The following TRIB3 variants were observed in gnomAD, a reference collection of about 807,000 sequenced individuals.
TRIB3 encodes tribbles pseudokinase 3.
TRIB3 carries 20 observed loss-of-function variants against 16.6 expected under a neutral mutation model. The observed-to-expected ratio is 1.20, with a 90% CI of 0.85 to 1.75. The LOEUF (loss-of-function observed/expected upper bound fraction) is 1.75. Among genes scored for constraint, TRIB3 ranks in the 40% most tolerant of loss-of-function variants. The pLI is 0.00. For missense variants in TRIB3, 484 were observed against 488.9 expected (o/e 0.99, Z 0.10); for synonymous variants, 208 against 217.0 (o/e 0.96, Z 0.36).
At position 381,042 on chromosome 20, in the gene TRIB3, C is replaced by G. The variant is rs1411673666; in HGVS notation, c.-128C>G. On this transcript the variant is annotated 5_prime_UTR_variant, in exon 1 of 4. Transcript: ENST00000217233. ...CTCCGCGCGCGTCCGCTGCTAGGAC[C>G]CGGGCAGGGCTGGAGCTGGGCTGGG... 1 of 149,936 alleles carries G rather than the reference C, an allele frequency of 6.7e-6. No homozygotes were observed. Among genetic ancestry groups the G allele is most frequent in the Non-Finnish European group, 1.5e-5 (1 of 66,906 alleles). The allele number at this position is 149,936 out of a possible 1,614,324, so 9.3% of individuals were successfully genotyped here.
chr20:382,508 C>A, intron 1 of TRIB3: 1 of 1,534,778 alleles, frequency 6.5e-7, no homozygotes, highest in South Asian at 1.2e-5. Context: ...AGTGTCATCC[C>A]AGCCTCGAAC....
intron 2 of TRIB3, among the ~76,000 whole-genome samples, chr20:388,883 T>C (rs1315970970): frequency 6.6e-6 from 1 of 152,100 alleles, no homozygotes; most frequent in Non-Finnish European, 1.5e-5. Context: ...GGGGCCATTT[T>C]ACAGATAGGA....
intron 2 of TRIB3, among the ~76,000 whole-genome samples, chr20:390,448 G>A (rs2014940529): frequency 6.6e-6 from 1 of 152,188 alleles, no homozygotes; most frequent in Admixed American, 6.5e-5. Context: ...CCTCCCAGTG[G>A]GCACCGGAGA....
intron 3 of TRIB3, among the ~76,000 whole-genome samples, chr20:392,123 G>C (rs1178715373): frequency 6.6e-6 from 1 of 152,146 alleles, no homozygotes; most frequent in Non-Finnish European, 1.5e-5. Flanking sequence ...AGTGACGAAA[G>C]CATCGCCACA....
At chr20:395,466 C>T in intron 3 of TRIB3, among the ~76,000 whole-genome samples, 1 of 150,318 alleles carries the variant, frequency 6.7e-6, no homozygotes, top group Non-Finnish European at 1.5e-5. Flanking sequence ...CAGCCTTACA[C>T]ACTTTTTTTT....
chr20:383,460 C>G (rs919154738), intron 1 of TRIB3, among the ~76,000 whole-genome samples: 1 of 152,100 alleles, frequency 6.6e-6, no homozygotes, highest in Non-Finnish European at 1.5e-5. Context: ...TTTTGTTTTG[C>G]TTTGTTTTGA....
intron 3 of TRIB3, among the ~76,000 whole-genome samples, chr20:394,622 A>G (rs1440791092): frequency 6.6e-6 from 1 of 151,714 alleles, no homozygotes; most frequent in African/African-American, 2.4e-5. Context: ...CATCTGTACA[A>G]AAAATTTATA....
chr20:384,963 C>T (rs11906518), intron 1 of TRIB3, among the ~76,000 whole-genome samples: 1,635 of 152,276 alleles, frequency 0.011, 26 homozygotes, highest in African/African-American at 0.038. Context: ...GCAGTTTATT[C>T]TAGGTGTCCT....
intron 3 of TRIB3, among the ~76,000 whole-genome samples, chr20:392,481 G>A (rs2015007273): frequency 6.6e-6 from 1 of 152,154 alleles, no homozygotes; most frequent in African/African-American, 2.4e-5. Context: ...CCCCACACGG[G>A]AACGTTTTCT....
chr20:384,118 C>T (rs184652782), intron 1 of TRIB3, among the ~76,000 whole-genome samples: 1 of 152,010 alleles, frequency 6.6e-6, no homozygotes, highest in Non-Finnish European at 1.5e-5. Flanking sequence ...CCATCTAGCA[C>T]CCCCTAGTCC....
At chr20:387,968 A>C in intron 1 of TRIB3, 43 bp from the exon 2 acceptor site, 2 of 1,584,110 alleles carry the variant, frequency 1.3e-6, no homozygotes, top group Non-Finnish European at 1.7e-6. Flanking sequence ...AGGAGGGGCC[A>C]CCAAGCAGTC....
At chr20:381,703 C>T (rs543199025) in intron 1 of TRIB3, among the ~76,000 whole-genome samples, 1 of 151,620 alleles carries the variant, frequency 6.6e-6, no homozygotes, top group South Asian at 2.1e-4. Context: ...CAGGGGTTGG[C>T]GGTGCAGGGG....
rs561996122 is a variant in TRIB3, at chr20:395,800, T to C, written c.585-398T>C. ...GGCACTTGGTAAACCCTAGAATGCG[T>C]TGTGTACCCTTTTTAGGTAGCGCTT... On this transcript the variant is annotated intron_variant, in intron 3 of 3. Transcript: ENST00000217233. Among the ~76,000 whole-genome samples, 11 of 152,108 alleles carry C rather than the reference T, an allele frequency of 7.2e-5. No individual in the cohort carries two copies. In the East Asian group the frequency reaches 1.2e-3, roughly 16 times the overall value.
Position 388,928 on chromosome 20 carries a change from G to GA in TRIB3, c.291+629dup, listed in dbSNP as rs564553727. ...TGAAGACAGGAGAAGGGCCATGCGT[G>GA]AAGTCACATAGCACTGGGCCTGGCT... On this transcript the variant is annotated intron_variant, in intron 2 of 3. Coordinates refer to ENST00000217233, the MANE Select transcript of TRIB3 (RefSeq NM_021158.5). Among the ~76,000 whole-genome samples, 8 of 152,208 alleles carry GA rather than the reference G, an allele frequency of 5.3e-5. No homozygotes were observed. The South Asian group carries it at 1.7e-3, about 32-fold the overall frequency.
chr20:392,570 TA>T (rs397947523), intron 3 of TRIB3, among the ~76,000 whole-genome samples: 2 of 151,812 alleles, frequency 1.3e-5, no homozygotes, highest in African/African-American at 4.8e-5. Flanking sequence ...TTTTTTTTTT[TA>T]ATTGAGACAG....
intron 2 of TRIB3, among the ~76,000 whole-genome samples, chr20:389,688 G>A (rs1005083807): frequency 6.6e-6 from 1 of 152,110 alleles, no homozygotes; most frequent in African/African-American, 2.4e-5. Flanking sequence ...TCCATGATAA[G>A]AGGAATAACC....
intron 1 of TRIB3, chr20:385,855 A>G (rs971747512): frequency 3.4e-5 from 5 of 146,478 alleles, no homozygotes; most frequent in Middle Eastern, 3.3e-3. Flanking sequence ...ATCACACTGT[A>G]TGTGATTTTT....
rs113404199 is a variant in TRIB3, at chr20:384,747, C to T, written c.1-3264C>T. On this transcript the variant is annotated intron_variant, in intron 1 of 3. Transcript: ENST00000217233. ...ATGTGTCAGGGACCTAGGCTCCTCTCTTGCTCTACTGTATGTGGTACTTCT... is the reference window on the plus strand; with the variant it reads ...ATGTGTCAGGGACCTAGGCTCCTCTTTTGCTCTACTGTATGTGGTACTTCT... Among the ~76,000 whole-genome samples the T allele has an allele frequency of 1.7e-3, 266 of 152,336 alleles. 3 individuals are homozygous for T. The highest frequency in any genetic ancestry group is 5.9e-3 in the African/African-American group (244 of 41,578).
At chr20:391,621 G>C (rs375135303) in intron 3 of TRIB3, 42 bp downstream of exon 3, 42 of 1,579,678 alleles carry the variant, frequency 2.7e-5, no homozygotes, top group African/African-American at 5.4e-5. Flanking sequence ...ACACACCCAG[G>C]GGGTGGGCCA....
Sources: allele counts gnomAD v4.1 joint callset (sites outside exome capture counted in the v4.1 genomes callset), GRCh38; gene constraint gnomAD v4.1.1; transcripts MANE v1.5; gene names NCBI Gene and HGNC (gene_info 2026-07-23, HGNC 2026-07-21).